Variants in GTF2F2 observed in about 807,000 individuals in gnomAD.
The protein encoded by GTF2F2 is ATP-dependent helicase GTF2F2.
Under a neutral mutation model 42.2 loss-of-function variants are expected in GTF2F2, and 23 were observed. The ratio of observed to expected loss-of-function variants is 0.55; its 90% CI spans 0.39 to 0.77. The LOEUF (loss-of-function observed/expected upper bound fraction) is 0.77, where lower values mean the gene tolerates loss of function less well. GTF2F2 is among the 30% of genes least tolerant of loss of function. The pLI is 0.00. For synonymous variants in GTF2F2, 105 were observed against 100.8 expected (o/e 1.04, Z -0.25); for missense variants, 261 against 287.2 (o/e 0.91, Z 0.66).
intron 4 of GTF2F2, among the ~76,000 whole-genome samples, chr13:45,152,258 C>T (rs532819178): frequency 6.6e-6 from 1 of 152,260 alleles, no homozygotes; most frequent in South Asian, 2.1e-4. Flanking sequence ...TGTTCCATCT[C>T]TCATTTTGTC....
At chr13:45,226,757 A>C (rs1173630044) in intron 5 of GTF2F2, among the ~76,000 whole-genome samples, 1 of 152,326 alleles carries the variant, frequency 6.6e-6, no homozygotes. Context: ...TCAAAAACAC[A>C]GCTGTCTATT....
intron 1 of GTF2F2, among the ~76,000 whole-genome samples, chr13:45,134,949 C>CT (rs1355074822): frequency 6.6e-6 from 1 of 151,148 alleles, no homozygotes; most frequent in Non-Finnish European, 1.5e-5. Flanking sequence ...AGTATATTGT[C>CT]TAACTTTTTT....
At chr13:45,182,243 C>T (rs776195425) in intron 4 of GTF2F2, among the ~76,000 whole-genome samples, 10 of 152,042 alleles carry the variant, frequency 6.6e-5, no homozygotes, top group Non-Finnish European at 1.3e-4. Context: ...CTCTGCCTCC[C>T]GGGCTCAAGC....
In GTF2F2 at chr13:45,278,404, G is replaced by C. The variant is rs77360788; in HGVS notation, c.631-5038G>C. Among the ~76,000 whole-genome samples, 540 of 152,214 alleles carry C rather than the reference G, an allele frequency of 3.5e-3. 1 individual carries two copies. The highest frequency in any genetic ancestry group is 0.012 in the African/African-American group (511 of 41,534). ...TTATTTCTCTGCATTCAGACTTGCC[G>C]TAAATTCTCTCCCACACATCCTTTT... On this transcript the variant is annotated intron_variant, in intron 7 of 7. Transcript: ENST00000340473.
intron 1 of GTF2F2, among the ~76,000 whole-genome samples, chr13:45,124,414 C>T (rs1249618922): frequency 1.3e-5 from 2 of 149,760 alleles, no homozygotes; most frequent in Non-Finnish European, 3.0e-5. Flanking sequence ...ATTATTTTTG[C>T]GGCCAGGCAT....
At chr13:45,174,632 T>G (rs1385341679) in intron 4 of GTF2F2, among the ~76,000 whole-genome samples, 1 of 140,442 alleles carries the variant, frequency 7.1e-6, no homozygotes, top group Non-Finnish European at 1.6e-5. Flanking sequence ...GTTTTCTTTT[T>G]TCTTTTTTTT....
chr13:45,167,564 A>AT (rs1416179501), intron 4 of GTF2F2, among the ~76,000 whole-genome samples: 1 of 151,644 alleles, frequency 6.6e-6, no homozygotes, highest in Non-Finnish European at 1.5e-5. Context: ...CACCCAGCTA[A>AT]TTTTTTTGTA....
chr13:45,236,948 A>G (rs565073692), intron 5 of GTF2F2, among the ~76,000 whole-genome samples: 48 of 152,328 alleles, frequency 3.2e-4, no homozygotes, highest in African/African-American at 1.1e-3. Context: ...AAAAATGGTT[A>G]TCATGAGTAA....
At position 45,191,224 on chromosome 13, in the gene GTF2F2, A is replaced by AAAAAAAAAAATAT; in HGVS notation, c.305-16199_305-16198insAAAAAAAAATATA. 3.3e-4 allele frequency among the ~76,000 whole-genome samples: 25 copies of AAAAAAAAAAATAT among 75,304 alleles called. 1 individual carries two copies. The highest frequency in any genetic ancestry group is 2.1e-3 in the African/African-American group (21 of 9,992). 49.4% of individuals were successfully genotyped at this position (75,304 alleles called of 152,430 possible). ...GTCTCTACTAAAAATACAAAAAAAA[A>AAAAAAAAAAATAT]ATATATATATATATATATATATATA... is the stretch of plus-strand genomic sequence containing the variant. On this transcript the variant is annotated intron_variant, in intron 4 of 7. Coordinates refer to ENST00000340473, the MANE Select transcript of GTF2F2 (RefSeq NM_004128.3).
chr13:45,240,543 A>G (rs1057362285), intron 5 of GTF2F2, among the ~76,000 whole-genome samples: 1 of 152,196 alleles, frequency 6.6e-6, no homozygotes, highest in Non-Finnish European at 1.5e-5. Flanking sequence ...AATTATAATT[A>G]CTGGCCGGGC....
At chr13:45,149,528 A>T (rs1330683678) in intron 2 of GTF2F2, among the ~76,000 whole-genome samples, 4 of 152,172 alleles carry the variant, frequency 2.6e-5, no homozygotes, top group South Asian at 2.1e-4. Flanking sequence ...AGCAGAGGTT[A>T]TAATAGTGTT....
At chr13:45,259,095 G>C (rs1232481715) in intron 6 of GTF2F2, among the ~76,000 whole-genome samples, 1 of 152,030 alleles carries the variant, frequency 6.6e-6, no homozygotes, top group Non-Finnish European at 1.5e-5. Context: ...TTTGTTTTCG[G>C]TGTTGCTGTA....
chr13:45,275,728 G>A (rs1275568593), intron 7 of GTF2F2, among the ~76,000 whole-genome samples: 1 of 152,060 alleles, frequency 6.6e-6, no homozygotes, highest in Admixed American at 6.6e-5. Context: ...TTGGTTCCAA[G>A]TCTTTGCTAT....
intron 5 of GTF2F2, among the ~76,000 whole-genome samples, chr13:45,247,215 A>G (rs1307570160): frequency 6.6e-6 from 1 of 150,500 alleles, no homozygotes; most frequent in Non-Finnish European, 1.5e-5. Context: ...AATAAAAATC[A>G]GCCAGGTGTG....
intron 3 of GTF2F2, 71 bp from the exon 4 acceptor site, chr13:45,151,606 ATTTGATTTAT>A: frequency 1.2e-6 from 1 of 855,964 alleles, no homozygotes. Context: ...TTTAAAAACA[ATTTGATTTAT>A]AACAAAAATT....
intron 6 of GTF2F2, among the ~76,000 whole-genome samples, chr13:45,259,998 C>G (rs1212346027): frequency 6.8e-6 from 1 of 147,804 alleles, no homozygotes; most frequent in Non-Finnish European, 1.5e-5. Context: ...TTTCTTATTT[C>G]TGGTAAAAGC....
chr13:45,159,263 C>T (rs888547478), intron 4 of GTF2F2, among the ~76,000 whole-genome samples: 2 of 152,206 alleles, frequency 1.3e-5, no homozygotes, highest in Non-Finnish European at 2.9e-5. Context: ...GAATGTATAG[C>T]AATGGTAGTG....
At chr13:45,170,721 G>T (rs544562618) in intron 4 of GTF2F2, among the ~76,000 whole-genome samples, 1 of 152,310 alleles carries the variant, frequency 6.6e-6, no homozygotes, top group South Asian at 2.1e-4. Flanking sequence ...TCAGAGAAAG[G>T]ATCAGAGGTG....
chr13:45,132,956 A>G (rs1869439364), intron 1 of GTF2F2, among the ~76,000 whole-genome samples: 1 of 152,198 alleles, frequency 6.6e-6, no homozygotes, highest in Non-Finnish European at 1.5e-5. Flanking sequence ...GTTTGTAACC[A>G]TGTATTTAAT....
Sources: gnomAD v4.1 joint callset for allele counts (sites outside exome capture counted in the v4.1 genomes callset) on GRCh38, gnomAD v4.1.1 for gene constraint, MANE v1.5 for transcripts, NCBI Gene and HGNC (gene_info 2026-07-23, HGNC 2026-07-21) for gene names.